SLC15A5: variants seen among roughly 807,000 people sequenced by gnomAD.
The protein encoded by SLC15A5 is Peptide/histidine transporter ENSP00000340402.
In SLC15A5, 58 loss-of-function variants were observed where a neutral mutation model predicts 56.1. The ratio of observed to expected loss-of-function variants is 1.03; its 90% CI spans 0.84 to 1.29. The LOEUF (loss-of-function observed/expected upper bound fraction) is 1.29. SLC15A5 is among the 50% of genes most tolerant of loss of function. The probability of loss-of-function intolerance (pLI) is 0.00; values close to 1 mark genes in which losing one functional copy is unlikely to be tolerated. For missense variants in SLC15A5, 681 were observed against 672.1 expected (o/e 1.01, Z -0.15); for synonymous variants, 264 against 250.5 (o/e 1.05, Z -0.51).
chr12:16,191,990 T>C (rs1430244222), intron 8 of SLC15A5, among the ~76,000 whole-genome samples: 1 of 152,128 alleles, frequency 6.6e-6, no homozygotes, highest in Non-Finnish European at 1.5e-5. Context: ...AGAAGGCAGC[T>C]CTTCTATGGC....
chr12:16,259,899 G>GGA (rs746133827), intron 2 of SLC15A5, among the ~76,000 whole-genome samples: 2 of 150,658 alleles, frequency 1.3e-5, no homozygotes, highest in Admixed American at 6.6e-5. Context: ...ACACCACCCG[G>GGA]GCGGGGGGTA....
rs78271889 is a variant in SLC15A5 at position 16,222,174 on chromosome 12, A to T, written c.1351+2240T>A. Among the ~76,000 whole-genome samples, 1,407 of 152,306 alleles carry T rather than the reference A, an allele frequency of 9.2e-3. 9 individuals carry two copies. The highest frequency in any genetic ancestry group is 0.015 in the Non-Finnish European group (1,014 of 68,018). ...GCACTGCGGTTTTTGCTTTACATAA[A>T]ATCTTCCACTTAGTCCTTTGAACAA... On this transcript the variant is annotated intron_variant, in intron 6 of 8. Coordinates refer to ENST00000344941, the MANE Select transcript of SLC15A5 (RefSeq NM_001170798.1).
chr12:16,236,691 C>T (rs1671518), intron 5 of SLC15A5, among the ~76,000 whole-genome samples: 37,431 of 152,080 alleles, frequency 0.25, 5,101 homozygotes, highest in East Asian at 0.48. Flanking sequence ...ACTTTACCAT[C>T]TGCCTCCTTA....
Position 16,189,684 on chromosome 12 carries a change from CA to C in SLC15A5, c.1723del (p.Trp575GlyfsTer26). 6.6e-7 allele frequency: 1 copy of C among 1,516,470 alleles called. No individual in the cohort carries two copies. The highest frequency in any genetic ancestry group is 8.8e-7 in the Non-Finnish European group (1 of 1,137,442). The allele number at this position is 1,516,470 out of a possible 1,614,324, so 93.9% of individuals were successfully genotyped here. A position where few individuals can be genotyped will look rare whatever the true frequency, so the allele number is the denominator to read the frequency against. ...AACACAGTTTCATAGGGCTGTCTCC[CA>C]AAGATCAATACTTGAAGAAAATTCC... is the stretch of plus-strand genomic sequence containing the variant. ...IQEFSSSIDLWETAL is the reference protein window; with the variant it reads ...IQEFSSSIDLXETAL On this transcript the variant is annotated frameshift_variant, in exon 9 of 9. Coordinates refer to ENST00000344941, the MANE Select transcript of SLC15A5 (RefSeq NM_001170798.1). LOFTEE classifies it high-confidence loss of function.
chr12:16,256,913 A>AATAAGATAGATAG (rs1555173303), intron 3 of SLC15A5, among the ~76,000 whole-genome samples: 6 of 148,578 alleles, frequency 4.0e-5, no homozygotes, highest in Non-Finnish European at 7.4e-5. Context: ...ATGCATGGGG[A>AATAAGATAGATAG]ATAGATAGAT....
chr12:16,217,573 G>C (rs537976416), intron 6 of SLC15A5, among the ~76,000 whole-genome samples: 45 of 152,198 alleles, frequency 3.0e-4, no homozygotes, highest in African/African-American at 1.1e-3. Context: ...TATGAAATGG[G>C]AATAATATCG....
rs866222104 is a variant in SLC15A5, at chr12:16,204,213, T to C, written c.1484-9760A>G. On this transcript the variant is annotated intron_variant, in intron 7 of 8. Transcript: ENST00000344941. ...GCTCACACCTGTAATCCCAGCACTT[T>C]GGGAAGCCAAAGTGGGCTGATCACT... is the stretch of plus-strand genomic sequence containing the variant. Among the ~76,000 whole-genome samples the C allele has an allele frequency of 5.9e-5, 9 of 152,200 alleles. No homozygotes were observed. The South Asian group carries it at 1.7e-3, about 28-fold the overall frequency.
intron 3 of SLC15A5, among the ~76,000 whole-genome samples, chr12:16,245,780 T>C (rs572560902): frequency 6.6e-6 from 1 of 152,348 alleles, no homozygotes; most frequent in South Asian, 2.1e-4. Context: ...AAGTATAGTT[T>C]GAAAGTCATT....
rs1459811349 is a variant in SLC15A5, at chr12:16,196,947, CAG to C, written c.1484-2496_1484-2495del. ...TCATCACTGGGGATGCTGTGGAAAACAGAAATGACAAGTACTATGACTTGGTA... is the reference window on the plus strand; with the variant it reads ...TCATCACTGGGGATGCTGTGGAAAACAAATGACAAGTACTATGACTTGGTA... On this transcript the variant is annotated intron_variant, in intron 7 of 8. Transcript: ENST00000344941. This position sits in a 1 kb window ranked among gnomAD's most constrained non-coding sequence, Gnocchi z 4.0. 6.6e-6 allele frequency among the ~76,000 whole-genome samples: 1 copy of C among 151,892 alleles called. No individual in the cohort carries two copies. Among genetic ancestry groups the C allele is most frequent in the Non-Finnish European group, 1.5e-5 (1 of 67,978 alleles).
chr12:16,259,024 C>CTTTTTTTTTTTTTTTTTTT (rs5796661), intron 2 of SLC15A5, among the ~76,000 whole-genome samples: 1 of 63,234 alleles, frequency 1.6e-5, no homozygotes, highest in Non-Finnish European at 2.7e-5. Flanking sequence ...TCTTTCTTTC[C>CTTTTTTTTTTTTTTTTTTT]TTTTTTTTTT....
intron 5 of SLC15A5, among the ~76,000 whole-genome samples, chr12:16,233,930 A>C (rs1864323185): frequency 6.6e-6 from 1 of 152,196 alleles, no homozygotes; most frequent in Non-Finnish European, 1.5e-5. Flanking sequence ...CCAATGAAAG[A>C]CTGTTCTCCA....
intron 3 of SLC15A5, among the ~76,000 whole-genome samples, chr12:16,247,349 A>T (rs1263577987): frequency 1.3e-5 from 2 of 152,190 alleles, no homozygotes; most frequent in Non-Finnish European, 2.9e-5. Context: ...GATGCCAAAG[A>T]AATGTCATTA....
At chr12:16,263,031 T>C (rs935539749) in intron 2 of SLC15A5, among the ~76,000 whole-genome samples, 3 of 152,088 alleles carry the variant, frequency 2.0e-5, no homozygotes, top group African/African-American at 4.8e-5. Context: ...ACCAGTAGCA[T>C]GGGGCACTGC....
chr12:16,259,293 C>T (rs1038926569), intron 2 of SLC15A5, among the ~76,000 whole-genome samples: 1 of 151,534 alleles, frequency 6.6e-6, no homozygotes, highest in African/African-American at 2.4e-5. Flanking sequence ...CTCCCCTCCC[C>T]TTTTCTTTTT....
At chr12:16,199,563 A>G (rs1192937077) in intron 7 of SLC15A5, among the ~76,000 whole-genome samples, 1 of 152,114 alleles carries the variant, frequency 6.6e-6, no homozygotes, top group Non-Finnish European at 1.5e-5. Context: ...CTCAGAACCA[A>G]GTACCTCTGC....
chr12:16,190,237 C>G (rs1462877641), intron 8 of SLC15A5, among the ~76,000 whole-genome samples: 1 of 152,150 alleles, frequency 6.6e-6, no homozygotes, highest in South Asian at 2.1e-4. Flanking sequence ...AGAATGTGCA[C>G]TCTCCATCCC....
At chr12:16,193,817 GAGAGAGAGAGAGAGAGAGAGAGAGAGA>G (rs1863864602) in intron 8 of SLC15A5, among the ~76,000 whole-genome samples, 2 of 137,228 alleles carry the variant, frequency 1.5e-5, no homozygotes, top group African/African-American at 5.8e-5. Flanking sequence ...GAGAGAGAGA[GAGAGAGAGAGAGAGAGAGAGAGAGAGA>G]GGCTGGCAAT....
chr12:16,195,204 TCTCTGTCTCTGC>T (rs1268668991), intron 7 of SLC15A5, among the ~76,000 whole-genome samples: 4 of 152,056 alleles, frequency 2.6e-5, no homozygotes, highest in African/African-American at 9.7e-5. Flanking sequence ...TCTATCTCTA[TCTCTGTCTCTGC>T]CTCTGTCTCT....
intron 6 of SLC15A5, among the ~76,000 whole-genome samples, chr12:16,219,958 C>A (rs919640882): frequency 6.6e-6 from 1 of 152,058 alleles, no homozygotes; most frequent in African/African-American, 2.4e-5. Flanking sequence ...GTAAAGATGC[C>A]ACATCACAGC....
Sources: gnomAD v4.1 joint callset for allele counts (sites outside exome capture counted in the v4.1 genomes callset) on GRCh38, gnomAD v4.1.1 for gene constraint, Gnocchi (gnomAD v3.1) non-coding constraint, MANE v1.5 for transcripts, NCBI Gene and HGNC (gene_info 2026-07-23, HGNC 2026-07-21) for gene names.